The following GRIK5 variants were observed in gnomAD, a reference collection of about 807,000 sequenced individuals.
GRIK5 encodes the protein glutamate ionotropic receptor kainate type subunit 5, also known as glutamate receptor ionotropic, kainate 5.
Under a neutral mutation model 97.4 loss-of-function variants are expected in GRIK5, and 43 were observed. The ratio of observed to expected loss-of-function variants is 0.44; its 90% confidence interval spans 0.35 to 0.57. The LOEUF is 0.57. Among genes scored for constraint, GRIK5 ranks in the 20% least tolerant of loss-of-function variants. The pLI is 0.01. For missense variants in GRIK5, 1,015 were observed against 1,382.0 expected (o/e 0.73, Z 4.21); for synonymous variants, 580 against 583.5 (o/e 0.99, Z 0.09).
chr19:42,026,593 G>A (rs192716622), intron 12 of GRIK5, among the ~76,000 whole-genome samples: 1 of 148,982 alleles, frequency 6.7e-6, no homozygotes, highest in East Asian at 2.0e-4. Flanking sequence ...TTTTGGAGAC[G>A]GAGTCTCACT....
Position 42,065,287 on chromosome 19 carries a change from C to T in GRIK5, c.180G>A (p.Lys60=), listed in dbSNP as rs1442769686. 2 of 1,613,166 alleles carry T rather than the reference C, an allele frequency of 1.2e-6. No individual in the cohort carries two copies. Among genetic ancestry groups the T allele is most frequent in the East Asian group, 2.2e-5 (1 of 44,896 alleles). ...CAAAGATGTCTACTTCCACTCGGGCCTTGGCTGGGACCTCGATGATCCCGT... is the reference window on the plus strand; with the variant it reads ...CAAAGATGTCTACTTCCACTCGGGCTTTGGCTGGGACCTCGATGATCCCGT... ...QINGIIEVPA[K]ARVEVDIFEL... is the part of the protein sequence containing the mutation. The change falls in exon 3 of 20, where the codon AAG becomes AAA. Residue 60 remains lysine, a synonymous_variant. Coordinates refer to ENST00000593562, the MANE Select transcript of GRIK5 (RefSeq NM_002088.5). This position sits in a 1 kb window ranked among gnomAD's most constrained non-coding sequence, Gnocchi z 5.8.
chr19:42,029,816 A>G (rs2075819700), intron 12 of GRIK5, among the ~76,000 whole-genome samples: 1 of 152,154 alleles, frequency 6.6e-6, no homozygotes, highest in Admixed American at 6.5e-5. Flanking sequence ...TAGGGAAAGT[A>G]AATGGATTGA....
chr19:42,064,945 G>A (rs528915170), intron 3 of GRIK5, among the ~76,000 whole-genome samples: 1 of 152,204 alleles, frequency 6.6e-6, no homozygotes, highest in Non-Finnish European at 1.5e-5. Flanking sequence ...AAGCTCTGGG[G>A]GCTAACAAGC....
chr19:42,057,295 T>C lies in GRIK5; in HGVS notation c.688-317A>G, dbSNP rs553670732. ...ATAGGACTCCCAAATGTCCCCTGTC[T>C]CTCATGAAGGCACTTAGAAGATTTC... On this transcript the variant is annotated intron_variant, in intron 6 of 19. Transcript: ENST00000593562. 1.4e-4 allele frequency among the ~76,000 whole-genome samples: 21 copies of C among 152,120 alleles called. No homozygotes were observed. The East Asian group carries it at 2.9e-3, about 21-fold the overall frequency.
chr19:42,003,538 C>T lies in GRIK5; in HGVS notation c.2392+17G>A, dbSNP rs2075449831. The T allele has an allele frequency of 3.1e-6, 5 of 1,607,396 alleles. No homozygotes were observed. The highest frequency in any genetic ancestry group is 1.7e-6 in the Non-Finnish European group (2 of 1,176,320). ...GGAGGGGGCTATGGGAAGGGGACAC[C>T]ATACGCGGGAACTGACCTTTAGCTC... On this transcript the variant is annotated intron_variant, in intron 18 of 19. Coordinates refer to ENST00000593562, the MANE Select transcript of GRIK5 (RefSeq NM_002088.5). The surrounding 1 kb of genome is among the most constrained non-coding windows in gnomAD (Gnocchi z 4.2).
At chr19:42,031,113 C>T (rs1356442792) in intron 12 of GRIK5, among the ~76,000 whole-genome samples, 2 of 152,184 alleles carry the variant, frequency 1.3e-5, no homozygotes, top group Non-Finnish European at 2.9e-5. Flanking sequence ...TGACTTGCTC[C>T]AATAGAGAAA....
intron 15 of GRIK5, among the ~76,000 whole-genome samples, chr19:42,007,988 C>T (rs1347003889): frequency 6.6e-6 from 1 of 151,752 alleles, no homozygotes; most frequent in African/African-American, 2.4e-5. Context: ...TATAAATACT[C>T]TGTAAAAAAA....
chr19:42,031,218 A>C (rs1196569497), intron 12 of GRIK5, among the ~76,000 whole-genome samples: 1 of 152,234 alleles, frequency 6.6e-6, no homozygotes, highest in Non-Finnish European at 1.5e-5. Flanking sequence ...CCTTCTGTAC[A>C]GGCCAAACAG....
intron 15 of GRIK5, among the ~76,000 whole-genome samples, chr19:42,017,373 T>C (rs1331939244): frequency 3.3e-5 from 5 of 152,242 alleles, no homozygotes. Flanking sequence ...CCCTGCTTTT[T>C]CCCCTTCATA....
In GRIK5 at chr19:42,065,136, G is replaced by A; in HGVS notation, c.244+87C>T. On this transcript the variant is annotated intron_variant, in intron 3 of 19. Transcript: ENST00000593562. This position sits in a 1 kb window ranked among gnomAD's most constrained non-coding sequence, Gnocchi z 5.8. ...GGAGGATGGAGCTAGAAGAGGACAAGGCCAGGCCAGAGGCCAGGGGCAGAG... is the reference window on the plus strand; with the variant it reads ...GGAGGATGGAGCTAGAAGAGGACAAAGCCAGGCCAGAGGCCAGGGGCAGAG... 1 of 1,189,262 alleles carries A rather than the reference G, an allele frequency of 8.4e-7. No individual in the cohort carries two copies. The highest frequency in any genetic ancestry group is 1.2e-6 in the Non-Finnish European group (1 of 836,922). The allele number at this position is 1,189,262 out of a possible 1,614,324, so 73.7% of individuals were successfully genotyped here. A position where few individuals can be genotyped will look rare whatever the true frequency, so the allele number is the denominator to read the frequency against.
At position 42,065,209 on chromosome 19, in the gene GRIK5, A is replaced by G; in HGVS notation, c.244+14T>C. 2 of 1,601,822 alleles carry G rather than the reference A, an allele frequency of 1.2e-6. No homozygotes were observed. The highest frequency in any genetic ancestry group is 1.7e-6 in the Non-Finnish European group (2 of 1,172,114). ...CTGCCCTGCCTCACCCCACGCCCCCATGGCCCCGCTCACTGGTGTCCGTGG... is the reference window on the plus strand; with the variant it reads ...CTGCCCTGCCTCACCCCACGCCCCCGTGGCCCCGCTCACTGGTGTCCGTGG... On this transcript the variant is annotated intron_variant, in intron 3 of 19. Transcript: ENST00000593562. This position sits in a 1 kb window ranked among gnomAD's most constrained non-coding sequence, Gnocchi z 5.8.
rs1464161584 is a variant in GRIK5, at chr19:42,053,596, A to G, written c.1269+6T>C. The G allele has an allele frequency of 4.5e-6, 7 of 1,554,744 alleles. No individual in the cohort carries two copies. Among genetic ancestry groups the G allele is most frequent in the South Asian group, 1.1e-5 (1 of 89,850 alleles). ...CACTCCCAGGCCCCCATCTAGGGCC[A>G]CTCACCAGGATGGTTGTGACCACCA... is the stretch of plus-strand genomic sequence containing the variant. On this transcript the variant is annotated splice_donor_region_variant and intron_variant, in intron 11 of 19. Transcript: ENST00000593562.
At chr19:42,010,829 T>G (rs924565933) in intron 15 of GRIK5, among the ~76,000 whole-genome samples, 3 of 152,142 alleles carry the variant, frequency 2.0e-5, no homozygotes, top group African/African-American at 7.2e-5. Flanking sequence ...GGTTTGGTTT[T>G]GTTTTTGAGA....
At chr19:42,058,825 CA>C (rs768060100) in intron 6 of GRIK5, among the ~76,000 whole-genome samples, 1,080 of 62,672 alleles carry the variant, frequency 0.017, 5 homozygotes, top group African/African-American at 0.051. Flanking sequence ...GACTCCGTCT[CA>C]AAAAAAAAAA....
At position 42,022,152 on chromosome 19, in the gene GRIK5, T is replaced by C. The variant is rs1025600214; in HGVS notation, c.1587+89A>G. On this transcript the variant is annotated intron_variant, in intron 13 of 19. Transcript: ENST00000593562. This position sits in a 1 kb window ranked among gnomAD's most constrained non-coding sequence, Gnocchi z 4.2. ...GGGACCTGGGAGCCTGACCGGCCCA[T>C]CTGAGGTCCTGGGGCTGTCTGGCTC... The C allele has an allele frequency of 5.7e-6, 8 of 1,396,452 alleles. No individual in the cohort carries two copies. The African/African-American group carries it at 7.1e-5, about 12-fold the overall frequency. 86.5% of individuals were successfully genotyped at this position (1,396,452 alleles called of 1,614,324 possible).
chr19:42,024,462 C>T (rs2075744373), intron 12 of GRIK5, among the ~76,000 whole-genome samples: 1 of 152,164 alleles, frequency 6.6e-6, no homozygotes, highest in Non-Finnish European at 1.5e-5. Flanking sequence ...ACCTGCCCAC[C>T]TCAGCCTCCC....
chr19:41,999,219 T>C lies in GRIK5; in HGVS notation c.2595A>G (p.Arg865=), dbSNP rs1555870365. 6.6e-7 allele frequency: 1 copy of C among 1,518,442 alleles called. No individual in the cohort carries two copies. The highest frequency in any genetic ancestry group is 8.8e-7 in the Non-Finnish European group (1 of 1,140,348). 94.1% of individuals were successfully genotyped at this position (1,518,442 alleles called of 1,614,324 possible). Residue 865 remains arginine, a synonymous_variant, in exon 20 of 20, where the codon CGA becomes CGG. Coordinates refer to ENST00000593562, the MANE Select transcript of GRIK5 (RefSeq NM_002088.5). This position sits in a 1 kb window ranked among gnomAD's most constrained non-coding sequence, Gnocchi z 5.0. The stretch of plus-strand genomic sequence containing the variant: ...GGGCCCGGCTCGGGCCGCCCGGGCG[T>C]CGGCGCCGGCGGGAACGCGACGTCT... The part of the protein sequence containing the change: ...CRKTSRSRRR[R]RPGGPSRALL...
chr19:42,054,349 C>A lies in GRIK5; in HGVS notation c.1027G>T (p.Gly343Trp). ...CGCAGGTAGTTCATGAGGCTGGTCC[C>A]GTGGGGCCAAATGTTGGCCGATGTA... The part of the protein sequence containing the change: ...ACTSANIWPH[G>W]TSLMNYLRMV... The change falls in exon 9 of 20, where the codon GGG (glycine) becomes TGG (tryptophan). Residue 343 changes from glycine to tryptophan, a missense_variant. This residue lies in a region of GRIK5 where 477 missense variants were observed against 701.1 expected (regional missense o/e 0.68). Transcript: ENST00000593562. 6.2e-7 allele frequency: 1 copy of A among 1,612,996 alleles called. No individual in the cohort carries two copies. The highest frequency in any genetic ancestry group is 8.5e-7 in the Non-Finnish European group (1 of 1,179,702).
intron 12 of GRIK5, among the ~76,000 whole-genome samples, chr19:42,026,542 C>T (rs1465607279): frequency 3.3e-5 from 5 of 151,676 alleles, no homozygotes; most frequent in Non-Finnish European, 5.9e-5. Context: ...GCATGAGCCA[C>T]CGCACCCGGC....
Sources: gnomAD v4.1 joint callset for allele counts (sites outside exome capture counted in the v4.1 genomes callset) on GRCh38, gnomAD v4.1.1 for gene constraint, gnomAD v4.1.1 regional missense constraint, Gnocchi (gnomAD v3.1) non-coding constraint, MANE v1.5 for transcripts, NCBI Gene and HGNC (gene_info 2026-07-23, HGNC 2026-07-21) for gene names.